AXDND1: variants seen among roughly 807,000 people sequenced by gnomAD.
AXDND1 encodes the protein axonemal dynein light chain domain containing 1.
A neutral mutation model predicts 137.5 loss-of-function variants in AXDND1; 110 were observed. That is an observed-to-expected ratio of 0.80 (90% confidence interval 0.69 to 0.94). The LOEUF (loss-of-function observed/expected upper bound fraction) is 0.94, where lower values mean the gene tolerates loss of function less well. AXDND1 is among the 40% of genes least tolerant of loss of function. AXDND1 has a pLI of 0.00. For synonymous variants in AXDND1, 414 were observed against 399.7 expected (o/e 1.04, Z -0.43); for missense variants, 1,191 against 1,169.8 (o/e 1.02, Z -0.26).
chr1:179,423,978 G>GT (rs1263445184), intron 12 of AXDND1, among the ~76,000 whole-genome samples: 4 of 151,850 alleles, frequency 2.6e-5, no homozygotes, highest in Middle Eastern at 3.4e-3. Flanking sequence ...ACATGTTGGT[G>GT]TTTTTTTCTT....
intron 6 of AXDND1, among the ~76,000 whole-genome samples, chr1:179,380,221 C>T (rs2125081167): frequency 6.6e-6 from 1 of 151,758 alleles, no homozygotes; most frequent in South Asian, 2.1e-4. Flanking sequence ...TGCACTCCAG[C>T]CTGGGCGACA....
chr1:179,500,873 T>C (rs1218708869), intron 20 of AXDND1, among the ~76,000 whole-genome samples: 6 of 152,126 alleles, frequency 3.9e-5, no homozygotes, highest in African/African-American at 1.2e-4. Context: ...GGTTTTGCCA[T>C]GTTGGCCAGG....
intron 16 of AXDND1, among the ~76,000 whole-genome samples, chr1:179,462,037 T>G (rs1421341128): frequency 6.6e-6 from 1 of 152,184 alleles, no homozygotes; most frequent in Non-Finnish European, 1.5e-5. Flanking sequence ...TACCCTTTAT[T>G]TCTTTCTCCT....
intron 15 of AXDND1, 127 bp from the exon 16 acceptor site, chr1:179,444,842 GA>G (rs1659497945): frequency 1.7e-6 from 1 of 577,270 alleles, no homozygotes; most frequent in Admixed American, 3.4e-5. Context: ...CATCTCTTTG[GA>G]GCATAATAAT....
At chr1:179,405,334 G>A (rs964898471) in intron 11 of AXDND1, among the ~76,000 whole-genome samples, 1 of 152,112 alleles carries the variant, frequency 6.6e-6, no homozygotes, top group Non-Finnish European at 1.5e-5. Context: ...ATGGACATTT[G>A]GGTTGGTTCC....
chr1:179,480,240 GT>G (rs1665198045), intron 17 of AXDND1, among the ~76,000 whole-genome samples: 1 of 152,174 alleles, frequency 6.6e-6, no homozygotes, highest in African/African-American at 2.4e-5. Context: ...AGGAAAAGGG[GT>G]TTAATTGACT....
intron 4 of AXDND1, among the ~76,000 whole-genome samples, chr1:179,376,633 G>T (rs1424277649): frequency 6.6e-6 from 1 of 152,112 alleles, no homozygotes; most frequent in Non-Finnish European, 1.5e-5. Context: ...AGTTTTCCCT[G>T]ACTTGGTCTA....
chr1:179,467,453 A>G (rs1663359969), intron 16 of AXDND1, among the ~76,000 whole-genome samples: 1 of 152,348 alleles, frequency 6.6e-6, no homozygotes, highest in South Asian at 2.1e-4. Context: ...TAGTATAATA[A>G]ATATCACATA....
At position 179,368,880 on chromosome 1, in the gene AXDND1, C is replaced by T. The variant is rs1209991291; in HGVS notation, c.178C>T (p.Pro60Ser). 6.2e-7 allele frequency: 1 copy of T among 1,613,500 alleles called. No homozygotes were observed. The highest frequency in any genetic ancestry group is 1.7e-5 in the Admixed American group (1 of 60,014). Residue 60 changes from proline (P) to serine (S), a missense_variant, in exon 3 of 26, where the codon CCC (proline) becomes TCC (serine). Transcript: ENST00000367618. ...TACTTCCCTTCAGAATGAGTTCATTCCCAAAGAAGTTCTTCTTTCTCTGAC... is the reference window on the plus strand; with the variant it reads ...TACTTCCCTTCAGAATGAGTTCATTTCCAAAGAAGTTCTTCTTTCTCTGAC... Reference protein sequence around the residue: ...LPTSLQNEFIPKEVLLSLTYA... With the variant: ...LPTSLQNEFISKEVLLSLTYA...
rs747933776 is a variant in AXDND1 at position 179,382,772 on chromosome 1, T to C, written c.638+16T>C. ...TCCCATCCATGTAAGTACAGTTTAT[T>C]TTCTAAAGTCTTTCTCAGAAAGAAT... is the stretch of plus-strand genomic sequence containing the variant. On this transcript the variant is annotated intron_variant, in intron 7 of 25. Coordinates refer to ENST00000367618, the MANE Select transcript of AXDND1 (RefSeq NM_144696.6). 6.4e-7 allele frequency: 1 copy of C among 1,570,100 alleles called. No homozygotes were observed. The highest frequency in any genetic ancestry group is 8.8e-7 in the Non-Finnish European group (1 of 1,141,930).
Position 179,488,260 on chromosome 1 carries a change from G to T in AXDND1, c.2092-3278G>T, listed in dbSNP as rs777973857. Among the ~76,000 whole-genome samples the T allele has an allele frequency of 9.5e-5, 14 of 148,134 alleles. 2 individuals are homozygous for T. Among genetic ancestry groups the T allele is most frequent in the Admixed American group, 8.7e-4 (13 of 15,018 alleles). On this transcript the variant is annotated intron_variant, in intron 18 of 25. Coordinates refer to ENST00000367618, the MANE Select transcript of AXDND1 (RefSeq NM_144696.6). ...ATATGTAGATTTTAGACTTTTAAAA[G>T]GTGAGCTGTGTTTCATTTTTAGCAA...
intron 23 of AXDND1, among the ~76,000 whole-genome samples, chr1:179,532,735 A>G (rs549577107): frequency 8.6e-5 from 13 of 151,800 alleles, no homozygotes; most frequent in Non-Finnish European, 1.8e-4. Flanking sequence ...AAAATTAAAA[A>G]CTGGCTGGGC....
intron 4 of AXDND1, among the ~76,000 whole-genome samples, chr1:179,375,254 A>G (rs1019192502): frequency 1.3e-5 from 2 of 151,696 alleles, no homozygotes; most frequent in African/African-American, 2.4e-5. Flanking sequence ...GCCTGCCACC[A>G]CATCTGGCTA....
chr1:179,468,779 C>T (rs1174495054), intron 17 of AXDND1, 138 bp downstream of exon 17: 5 of 615,164 alleles, frequency 8.1e-6, no homozygotes, highest in South Asian at 3.6e-5. Flanking sequence ...GTAACCATTA[C>T]CGGTCAATTT....
At chr1:179,373,570 C>T (rs1001903454) in intron 4 of AXDND1, among the ~76,000 whole-genome samples, 2 of 152,160 alleles carry the variant, frequency 1.3e-5, no homozygotes, top group African/African-American at 2.4e-5. Context: ...TACCTGACTT[C>T]AAACTATACT....
At chr1:179,452,675 A>C (rs1377927367) in intron 16 of AXDND1, 1 of 115,388 alleles carries the variant, frequency 8.7e-6, no homozygotes, top group African/African-American at 3.5e-5. Context: ...GGCCTGGGCG[A>C]CAGAGCGAGA....
intron 6 of AXDND1, 137 bp downstream of exon 6, chr1:179,379,619 G>A (rs567440393): frequency 2.7e-6 from 3 of 1,127,314 alleles, no homozygotes; most frequent in Admixed American, 3.1e-5. Flanking sequence ...CATGGTGAAA[G>A]TCCGTCTCTA....
At chr1:179,420,547 A>G (rs1365550746) in intron 12 of AXDND1, among the ~76,000 whole-genome samples, 2 of 152,066 alleles carry the variant, frequency 1.3e-5, no homozygotes, top group African/African-American at 2.4e-5. Context: ...GAATTCAACT[A>G]TGAAGCCATT....
chr1:179,464,789 A>G (rs1217856490), intron 16 of AXDND1, among the ~76,000 whole-genome samples: 1 of 151,980 alleles, frequency 6.6e-6, no homozygotes, highest in African/African-American at 2.4e-5. Context: ...ATAGTCGCAT[A>G]TTTCTTGGAG....
Sources: gnomAD v4.1 joint callset for allele counts (sites outside exome capture counted in the v4.1 genomes callset) on GRCh38, gnomAD v4.1.1 for gene constraint, MANE v1.5 for transcripts, NCBI Gene and HGNC (gene_info 2026-07-23, HGNC 2026-07-21) for gene names.